The following SLC8A3 variants were observed in gnomAD, a reference collection of about 807,000 sequenced individuals.
SLC8A3 encodes solute carrier family 8 member A3.
Under a neutral mutation model 65.4 loss-of-function variants are expected in SLC8A3, and 37 were observed. The ratio of observed to expected loss-of-function variants is 0.57; its 90% confidence interval spans 0.44 to 0.74. The LOEUF (loss-of-function observed/expected upper bound fraction) is 0.74, where lower values mean the gene tolerates loss of function less well. Among genes scored for constraint, SLC8A3 ranks in the 30% least tolerant of loss-of-function variants. The pLI is 0.00. For synonymous variants in SLC8A3, 461 were observed against 444.5 expected, an observed-to-expected ratio of 1.04 and a Z score of -0.47; for missense variants, 1,112 against 1,172.1, an observed-to-expected ratio of 0.95 and a Z score of 0.75.
At chr14:70,126,769 A>G (rs922525325) in intron 2 of SLC8A3, among the ~76,000 whole-genome samples, 4 of 152,004 alleles carry the variant, frequency 2.6e-5, no homozygotes, top group African/African-American at 4.8e-5. Flanking sequence ...CCAAAACCCA[A>G]AATTGAAAAT....
At chr14:70,054,139 A>T (rs993067630) in intron 3 of SLC8A3, among the ~76,000 whole-genome samples, 7 of 152,132 alleles carry the variant, frequency 4.6e-5, no homozygotes, top group Non-Finnish European at 8.8e-5. Flanking sequence ...ATAGGATGGA[A>T]GATTGAACAA....
intron 2 of SLC8A3, among the ~76,000 whole-genome samples, chr14:70,127,049 A>G (rs536960294): frequency 5.9e-5 from 9 of 152,240 alleles, no homozygotes; most frequent in African/African-American, 2.2e-4. Flanking sequence ...GTTGAGCACA[A>G]TGTGAAGTAA....
chr14:70,130,329 A>G (rs988256776), intron 2 of SLC8A3, among the ~76,000 whole-genome samples: 8 of 152,160 alleles, frequency 5.3e-5, no homozygotes, highest in Admixed American at 2.0e-4. Flanking sequence ...CCCGCCCCCT[A>G]TAAAGGTGTA....
At chr14:70,058,234 A>G (rs1888383759) in intron 3 of SLC8A3, among the ~76,000 whole-genome samples, 1 of 152,172 alleles carries the variant, frequency 6.6e-6, no homozygotes, top group African/African-American at 2.4e-5. Flanking sequence ...CAGTAGTGAT[A>G]ATGAAAAGCA....
intron 2 of SLC8A3, among the ~76,000 whole-genome samples, chr14:70,134,495 A>T (rs1439858289): frequency 6.6e-6 from 1 of 152,124 alleles, no homozygotes; most frequent in Admixed American, 6.5e-5. Flanking sequence ...CGATTAAAGT[A>T]AAAAGCCTAG....
At chr14:70,184,532 C>T (rs890734666) in intron 1 of SLC8A3, among the ~76,000 whole-genome samples, 2 of 152,174 alleles carry the variant, frequency 1.3e-5, no homozygotes, top group African/African-American at 4.8e-5. Flanking sequence ...TCTTTACTTC[C>T]TCTCCTCTTT....
chr14:70,067,866 G>T lies in SLC8A3; in HGVS notation c.1785-6927C>A, dbSNP rs544287529. Among the ~76,000 whole-genome samples, 8 of 152,188 alleles carry T rather than the reference G, an allele frequency of 5.3e-5. No individual in the cohort carries two copies. The South Asian group carries it at 1.5e-3, about 28-fold the overall frequency. On this transcript the variant is annotated intron_variant, in intron 2 of 6. Transcript: ENST00000356921. ...CCCCCCATTTCCAGTTCTTCTTCCCGCACAGTGGCAGTTACTTAATGGTCA... is the reference window on the plus strand; with the variant it reads ...CCCCCCATTTCCAGTTCTTCTTCCCTCACAGTGGCAGTTACTTAATGGTCA...
intron 2 of SLC8A3, among the ~76,000 whole-genome samples, chr14:70,164,513 A>G (rs1196326874): frequency 1.3e-5 from 2 of 152,212 alleles, no homozygotes; most frequent in East Asian, 3.9e-4. Flanking sequence ...TATTACCCAG[A>G]AGTGATCATT....
intron 3 of SLC8A3, 124 bp downstream of exon 3, chr14:70,060,712 G>A (rs764433266): frequency 2.6e-6 from 2 of 768,272 alleles, no homozygotes; most frequent in African/African-American, 1.7e-5. Context: ...AGAGAAAGGA[G>A]GAGAAGGGAA....
chr14:70,169,691 T>TGGGG (rs11291451), intron 1 of SLC8A3, among the ~76,000 whole-genome samples: 1 of 103,544 alleles, frequency 9.7e-6, no homozygotes, highest in East Asian at 3.3e-4. Context: ...AAAAAAAAAG[T>TGGGG]GGGGGGGGGG....
chr14:70,046,000 GGAGCCACAGGCTCACAAA>G lies in SLC8A3; in HGVS notation c.2695_2712del (p.Phe899_Leu904del). Reference sequence around the variant, plus strand: ...TCTAGTGTGGCAAAGAGTATGTAGAGGAGCCACAGGCTCACAAAGAGCCATGTTGTGGCGAGCTTGCAG... The same window carrying G: ...TCTAGTGTGGCAAAGAGTATGTAGAGGAGCCATGTTGTGGCGAGCTTGCAG... On this transcript the variant is annotated inframe_deletion, in exon 7 of 7. Transcript: ENST00000356921. 6.2e-7 allele frequency: 1 copy of G among 1,612,286 alleles called. No homozygotes were observed. The highest frequency in any genetic ancestry group is 8.5e-7 in the Non-Finnish European group (1 of 1,179,040).
At chr14:70,115,092 A>G (rs886750633) in intron 2 of SLC8A3, among the ~76,000 whole-genome samples, 1 of 152,184 alleles carries the variant, frequency 6.6e-6, no homozygotes, top group African/African-American at 2.4e-5. Context: ...TTAAAGATCA[A>G]TTTGTCTGTA....
intron 2 of SLC8A3, among the ~76,000 whole-genome samples, chr14:70,142,453 G>T (rs1895642104): frequency 6.6e-6 from 1 of 152,182 alleles, no homozygotes; most frequent in South Asian, 2.1e-4. Context: ...GCAAATTTGT[G>T]TGAAATAAGG....
chr14:70,111,608 A>G (rs575916921), intron 2 of SLC8A3, among the ~76,000 whole-genome samples: 1 of 152,364 alleles, frequency 6.6e-6, no homozygotes, highest in African/African-American at 2.4e-5. Context: ...AAAAATACAA[A>G]GAAGAGTTTG....
intron 1 of SLC8A3, among the ~76,000 whole-genome samples, chr14:70,185,198 C>A (rs1883095484): frequency 6.6e-6 from 1 of 152,140 alleles, no homozygotes; most frequent in Admixed American, 6.5e-5. Context: ...AACTTCTGAC[C>A]TCAGGTGATC....
rs772541433 is a variant in SLC8A3, at chr14:70,167,371, C to T, written c.1052G>A (p.Arg351His). The T allele has an allele frequency of 2.6e-5, 42 of 1,613,928 alleles. No individual in the cohort carries two copies. Among genetic ancestry groups the T allele is most frequent in the East Asian group, 6.7e-5 (3 of 44,886 alleles). Residue 351 changes from arginine to histidine, a missense_variant, in exon 2 of 7, where the codon CGT (arginine) becomes CAT (histidine). By Grantham distance (29) the Arg-to-His change is conservative. Coordinates refer to ENST00000356921, the MANE Select transcript of SLC8A3 (RefSeq NM_182932.3). Reference protein sequence around the residue: ...YYALSHQQKSRAFYRIQATRM... With the variant: ...YYALSHQQKSHAFYRIQATRM... Reference sequence around the variant, plus strand: ...AGTGGCTTGGATACGGTAGAAGGCACGGCTCTTCTGTTGGTGGGAAAGAGC... The same window carrying T: ...AGTGGCTTGGATACGGTAGAAGGCATGGCTCTTCTGTTGGTGGGAAAGAGC...
intron 2 of SLC8A3, among the ~76,000 whole-genome samples, chr14:70,157,074 G>A (rs78077858): frequency 2.6e-5 from 4 of 152,272 alleles, no homozygotes; most frequent in Non-Finnish European, 4.4e-5. Context: ...CAGCTGAATC[G>A]TGGCTGCAGA....
chr14:70,143,033 C>A (rs1895677498), intron 2 of SLC8A3, among the ~76,000 whole-genome samples: 3 of 152,182 alleles, frequency 2.0e-5, no homozygotes, highest in Non-Finnish European at 4.4e-5. Flanking sequence ...CCCCAGCTAC[C>A]CCCAGCTTAC....
chr14:70,153,822 C>G (rs1896418982), intron 2 of SLC8A3, among the ~76,000 whole-genome samples: 2 of 152,240 alleles, frequency 1.3e-5, no homozygotes, highest in Admixed American at 6.5e-5. Flanking sequence ...CCGTCTAGCC[C>G]TTGATCCTGG....
Sources: gnomAD v4.1 joint callset for allele counts (sites outside exome capture counted in the v4.1 genomes callset) on GRCh38, gnomAD v4.1.1 for gene constraint, MANE v1.5 for transcripts, NCBI Gene and HGNC (gene_info 2026-07-23, HGNC 2026-07-21) for gene names.